GPR155: variants seen among roughly 807,000 people sequenced by gnomAD.
GPR155 encodes the protein G protein-coupled receptor 155.
GPR155 carries 65 observed loss-of-function variants against 93.1 expected under a neutral mutation model. That is an observed-to-expected ratio of 0.70 (90% CI 0.57 to 0.86). The LOEUF is 0.86. GPR155 is among the 40% of genes least tolerant of loss of function. GPR155 has a pLI of 0.00. For missense variants in GPR155, 838 were observed against 1,034.8 expected (o/e 0.81, Z 2.61); for synonymous variants, 319 against 360.1 (o/e 0.89, Z 1.29).
rs1686673339 is a variant in GPR155 at position 174,432,781 on chromosome 2, T to TGC, written c.*3333_*3334dup. 1.3e-4 allele frequency: 13 copies of TGC among 99,946 alleles called. No individual in the cohort carries two copies. Among genetic ancestry groups the TGC allele is most frequent in the African/African-American group, 4.6e-4 (13 of 28,232 alleles). 6.2% of individuals were successfully genotyped at this position (99,946 alleles called of 1,614,324 possible). The stretch of plus-strand genomic sequence containing the variant: ...ATGCAGGTTTTTTTTTTTTTTTTTT[T>TGC]GCGATGGAGTCTCACTCTGTCGCCC... On this transcript the variant is annotated 3_prime_UTR_variant, in exon 16 of 16. Coordinates refer to ENST00000392552, the MANE Select transcript of GPR155 (RefSeq NM_152529.7).
intron 15 of GPR155, among the ~76,000 whole-genome samples, chr2:174,437,688 G>T (rs1454443814): frequency 6.7e-6 from 1 of 149,330 alleles, no homozygotes; most frequent in Non-Finnish European, 1.5e-5. Context: ...GGGTTCAAGT[G>T]ATTCTCTTGC....
intron 3 of GPR155, among the ~76,000 whole-genome samples, chr2:174,472,267 G>A (rs1242771046): frequency 6.6e-6 from 1 of 152,144 alleles, no homozygotes; most frequent in Non-Finnish European, 1.5e-5. Context: ...TCAGCCAGGT[G>A]TGGTGGCAGG....
intron 15 of GPR155, among the ~76,000 whole-genome samples, chr2:174,437,161 A>G (rs765805045): frequency 6.6e-6 from 1 of 152,224 alleles, no homozygotes; most frequent in Non-Finnish European, 1.5e-5. Flanking sequence ...AGATACAGGG[A>G]AAAAAATCCA....
At chr2:174,466,356 GAT>G (rs930888034) in intron 6 of GPR155, among the ~76,000 whole-genome samples, 186 bp downstream of exon 6, 10 of 152,132 alleles carry the variant, frequency 6.6e-5, no homozygotes, top group Non-Finnish European at 1.0e-4. Flanking sequence ...CTCAACTTTA[GAT>G]AGTTTAAGAC....
chr2:174,454,378 C>A (rs1196704288), intron 10 of GPR155, among the ~76,000 whole-genome samples: 5 of 152,178 alleles, frequency 3.3e-5, no homozygotes, highest in Non-Finnish European at 5.9e-5. Flanking sequence ...CTCAGGCGAT[C>A]TGCCCGCCTC....
At chr2:174,475,070 C>T (rs1688117304) in intron 2 of GPR155, among the ~76,000 whole-genome samples, 1 of 151,010 alleles carries the variant, frequency 6.6e-6, no homozygotes, top group East Asian at 1.9e-4. Context: ...CCGAGGCGGG[C>T]GGATCACGAG....
chr2:174,461,627 A>G lies in GPR155; in HGVS notation c.1430T>C (p.Val477Ala), dbSNP rs1225069521. 2 of 1,611,796 alleles carry G rather than the reference A, an allele frequency of 1.2e-6. No individual in the cohort carries two copies. The highest frequency in any genetic ancestry group is 1.7e-6 in the Non-Finnish European group (2 of 1,178,056). Residue 477 changes from valine to alanine, a missense_variant, in exon 8 of 16, where the codon GTA (valine) becomes GCA (alanine). By Grantham distance (64) the Val-to-Ala change is moderately conservative. Around this residue, in one of 3 missense-constraint regions of GPR155, gnomAD observed 663 missense variants for 790.1 expected, o/e 0.84. Transcript: ENST00000392552. ...TATGATTATTCCAACAGGAATTTGT[A>G]CCCTCTCTCGCTTTTTCAAAAGAAA... ...SLFLLKKRER[V>A]QIPVGIIIIS...
chr2:174,472,812 T>C (rs1305897711), intron 3 of GPR155, among the ~76,000 whole-genome samples, 153 bp downstream of exon 3: 2 of 152,220 alleles, frequency 1.3e-5, no homozygotes, highest in African/African-American at 4.8e-5. Context: ...CTTTCCACAA[T>C]ACACCATCAC....
At chr2:174,444,159 G>A (rs950533498) in intron 13 of GPR155, among the ~76,000 whole-genome samples, 1 of 152,178 alleles carries the variant, frequency 6.6e-6, no homozygotes, top group Non-Finnish European at 1.5e-5. Context: ...GCTCATGCCT[G>A]TAATCCCAGC....
rs1439450425 is a variant in GPR155, at chr2:174,453,769, G to A, written c.1844C>T (p.Thr615Ile). ...AAACGAAGGAATCACAGGCTCACTG[G>A]TGCTTGTGTTTGCTATTGGCTCTAT... is the stretch of plus-strand genomic sequence containing the variant. ...PSIEPIANTS[T>I]SEPVIPSFEK... Residue 615 changes from threonine (T) to isoleucine (I), a missense_variant, in exon 11 of 16, where the codon ACC becomes ATC. Physicochemically the swap from Thr to Ile is moderately conservative, Grantham distance 89. Transcript: ENST00000392552. 1 of 1,613,052 alleles carries A rather than the reference G, an allele frequency of 6.2e-7. No individual in the cohort carries two copies. Among genetic ancestry groups the A allele is most frequent in the African/African-American group, 1.3e-5 (1 of 74,850 alleles).
rs550953906 is a variant in GPR155, at chr2:174,471,512, G to C, written c.861-957C>G. Among the ~76,000 whole-genome samples the C allele has an allele frequency of 3.3e-3, 486 of 148,600 alleles. 10 individuals are homozygous for C. Among genetic ancestry groups the C allele is most frequent in the African/African-American group, 0.012 (470 of 40,400 alleles). On this transcript the variant is annotated intron_variant, in intron 3 of 15. Transcript: ENST00000392552. ...AATTAGCAAAGGAACTAAAACAACT[G>C]AGATGGAGCAGAAAACTAGTGAAAT...
chr2:174,482,085 C>A, intron 1 of GPR155, 98 bp from the exon 2 acceptor site: 3 of 632,588 alleles, frequency 4.7e-6, no homozygotes, highest in South Asian at 4.0e-5. Context: ...TATTAAATGG[C>A]CAAATAAATA....
chr2:174,444,486 CTTTT>C (rs71024807), intron 13 of GPR155, among the ~76,000 whole-genome samples: 1 of 89,604 alleles, frequency 1.1e-5, no homozygotes. Flanking sequence ...CCAAAGTGAC[CTTTT>C]TTTTTTTTTT....
intron 13 of GPR155, 102 bp from the exon 14 acceptor site, chr2:174,442,285 C>A: frequency 1.5e-6 from 1 of 680,042 alleles, no homozygotes; most frequent in Non-Finnish European, 2.7e-6. Flanking sequence ...GGAGACAAAC[C>A]TATAGTGACA....
At chr2:174,480,678 A>T (rs1428440532) in intron 2 of GPR155, among the ~76,000 whole-genome samples, 2 of 152,232 alleles carry the variant, frequency 1.3e-5, no homozygotes, top group Non-Finnish European at 1.5e-5. Flanking sequence ...AAAAGTTAGA[A>T]AGGTAAAAAA....
At chr2:174,456,820 G>A (rs73975128) in intron 10 of GPR155, among the ~76,000 whole-genome samples, 8,861 of 152,076 alleles carry the variant, frequency 0.058, 836 homozygotes, top group African/African-American at 0.2. Context: ...TACAGTATAA[G>A]ATTTATATAA....
At chr2:174,444,720 T>C (rs986982795) in intron 13 of GPR155, among the ~76,000 whole-genome samples, 2 of 151,960 alleles carry the variant, frequency 1.3e-5, no homozygotes, top group Non-Finnish European at 2.9e-5. Flanking sequence ...GGTTTTGAAC[T>C]CCTGGCCTCA....
intron 13 of GPR155, among the ~76,000 whole-genome samples, chr2:174,442,580 T>TA (rs1686998405): frequency 6.6e-6 from 1 of 152,254 alleles, no homozygotes; most frequent in Non-Finnish European, 1.5e-5. Context: ...TATCTAATAA[T>TA]AATGCAGTAA....
At chr2:174,459,028 C>T (rs754240105) in intron 10 of GPR155, among the ~76,000 whole-genome samples, 2 of 152,032 alleles carry the variant, frequency 1.3e-5, no homozygotes, top group African/African-American at 2.4e-5. Context: ...GTAGAGGTTA[C>T]GGTGAGCCAA....
Sources: gnomAD v4.1 joint callset for allele counts (sites outside exome capture counted in the v4.1 genomes callset) on GRCh38, gnomAD v4.1.1 for gene constraint, gnomAD v4.1.1 regional missense constraint, MANE v1.5 for transcripts, NCBI Gene and HGNC (gene_info 2026-07-23, HGNC 2026-07-21) for gene names.